The following WDR1 variants were observed in gnomAD, a reference collection of about 807,000 sequenced individuals.
The protein encoded by WDR1 is WD repeat domain 1.
In WDR1, 21 loss-of-function variants were observed where a neutral mutation model predicts 71.9. That is an observed-to-expected ratio of 0.29 (90% CI 0.21 to 0.42). The LOEUF (loss-of-function observed/expected upper bound fraction) is 0.42. Ranked by LOEUF, WDR1 falls within the 10% of genes least tolerant of loss-of-function variation. WDR1 has a pLI of 1.00. For missense variants in WDR1, 696 were observed against 824.5 expected, an observed-to-expected ratio of 0.84 and a Z score of 1.91; for synonymous variants, 424 against 347.4, an observed-to-expected ratio of 1.22 and a Z score of -2.45.
intron 2 of WDR1, among the ~76,000 whole-genome samples, chr4:10,114,854 G>C (rs1345922381): frequency 6.6e-6 from 1 of 152,186 alleles, no homozygotes; most frequent in Non-Finnish European, 1.5e-5. Context: ...GCAATCCAGG[G>C]CAGGTAGAGC....
intron 3 of WDR1, among the ~76,000 whole-genome samples, chr4:10,103,627 C>T (rs1048191768): frequency 6.6e-6 from 1 of 152,162 alleles, no homozygotes; most frequent in Non-Finnish European, 1.5e-5. Flanking sequence ...AAAAAGTGTA[C>T]CAATTTGTGT....
At chr4:10,116,474 C>T (rs1421339193) in intron 1 of WDR1, 177 bp downstream of exon 1, 58 of 743,212 alleles carry the variant, frequency 7.8e-5, no homozygotes, top group Non-Finnish European at 1.0e-4. Context: ...GGGGCGCACC[C>T]CCCGTCGGGG....
intron 2 of WDR1, among the ~76,000 whole-genome samples, chr4:10,105,724 C>G (rs1034266493): frequency 6.6e-6 from 1 of 152,158 alleles, no homozygotes; most frequent in Non-Finnish European, 1.5e-5. Context: ...TATTTATAAA[C>G]CTAAACAGAC....
At chr4:10,113,722 C>G (rs1713533292) in intron 2 of WDR1, among the ~76,000 whole-genome samples, 2 of 152,214 alleles carry the variant, frequency 1.3e-5, no homozygotes, top group Non-Finnish European at 2.9e-5. Context: ...CCAGGGAAAT[C>G]TGTTAGATTC....
intron 10 of WDR1, among the ~76,000 whole-genome samples, chr4:10,082,801 C>G (rs1765067445): frequency 6.6e-6 from 1 of 152,210 alleles, no homozygotes; most frequent in South Asian, 2.1e-4. Flanking sequence ...GAGTCCACAC[C>G]TGGTCGTTGT....
intron 14 of WDR1, 79 bp downstream of exon 14, chr4:10,077,225 C>T (rs1162644372): frequency 6.3e-7 from 1 of 1,575,038 alleles, no homozygotes; most frequent in Non-Finnish European, 8.6e-7. Context: ...GGGACTGAAG[C>T]CAGGGGACAG....
At chr4:10,090,485 G>A (rs1240216144) in intron 5 of WDR1, among the ~76,000 whole-genome samples, 3 of 152,166 alleles carry the variant, frequency 2.0e-5, no homozygotes, top group Non-Finnish European at 2.9e-5. Flanking sequence ...GCCACTCCCC[G>A]CCCCAGAAAT....
In WDR1 at chr4:10,093,013, A is replaced by G. The variant is rs1038619722; in HGVS notation, c.559-4272T>C. 8.7e-6 allele frequency: 11 copies of G among 1,264,522 alleles called. No homozygotes were observed. In the Admixed American group the frequency reaches 2.3e-4, roughly 26 times the overall value. The allele number at this position is 1,264,522 out of a possible 1,614,324, so 78.3% of individuals were successfully genotyped here. Reference sequence around the variant, plus strand: ...ACGAGCCCCCCTCCCCACAGTCCTCACTCCCTCCCACCAATATGCTCCCTC... The same window carrying G: ...ACGAGCCCCCCTCCCCACAGTCCTCGCTCCCTCCCACCAATATGCTCCCTC... On this transcript the variant is annotated intron_variant, in intron 5 of 14. Coordinates refer to ENST00000499869, the MANE Select transcript of WDR1 (RefSeq NM_017491.5).
chr4:10,116,069 G>C, intron 2 of WDR1, 44 bp downstream of exon 2: 1 of 1,596,812 alleles, frequency 6.3e-7, no homozygotes, highest in Non-Finnish European at 8.6e-7. Context: ...CCCATCCCAA[G>C]GTGGCTCCGG....
At position 10,116,700 on chromosome 4, in the gene WDR1, A is replaced by C; in HGVS notation, c.-34T>G. On this transcript the variant is annotated 5_prime_UTR_variant, in exon 1 of 15. Coordinates refer to ENST00000499869, the MANE Select transcript of WDR1 (RefSeq NM_017491.5). The stretch of plus-strand genomic sequence containing the variant: ...ACTTGTTACCGCGCCGCGCTCGCCG[A>C]GAGCCTCCGGGGCCGGCCCGCGCTG... The C allele has an allele frequency of 7.4e-7, 1 of 1,349,554 alleles. No homozygotes were observed. The highest frequency in any genetic ancestry group is 9.6e-7 in the Non-Finnish European group (1 of 1,043,264). 83.6% of individuals were successfully genotyped at this position (1,349,554 alleles called of 1,614,324 possible).
At chr4:10,075,726 C>T (rs1553919953) in intron 14 of WDR1, 1 of 568,998 alleles carries the variant, frequency 1.8e-6, no homozygotes, top group Non-Finnish European at 3.2e-6. Context: ...AGCAGCATCC[C>T]TGGCTCCACC....
chr4:10,101,108 C>T (rs1195806795), intron 3 of WDR1, among the ~76,000 whole-genome samples: 2 of 152,254 alleles, frequency 1.3e-5, no homozygotes, highest in Non-Finnish European at 2.9e-5. Flanking sequence ...CCTGGAACCA[C>T]GGCCCCAGCG....
chr4:10,113,770 A>C (rs538791615), intron 2 of WDR1, among the ~76,000 whole-genome samples: 21 of 152,268 alleles, frequency 1.4e-4, no homozygotes, highest in Non-Finnish European at 2.6e-4. Flanking sequence ...AGGATTTACT[A>C]AAATTAAAAT....
At chr4:10,101,318 T>C (rs1249356228) in intron 3 of WDR1, among the ~76,000 whole-genome samples, 7 of 152,156 alleles carry the variant, frequency 4.6e-5, no homozygotes, top group Admixed American at 2.0e-4. Context: ...GGTCTAAAGA[T>C]CCTGCAGAGG....
intron 9 of WDR1, among the ~76,000 whole-genome samples, chr4:10,084,040 AG>A (rs1765113060): frequency 6.6e-6 from 1 of 152,204 alleles, no homozygotes; most frequent in South Asian, 2.1e-4. Context: ...ACCCAACGTA[AG>A]GGTGTCCAGG....
chr4:10,101,034 C>A (rs1055969032), intron 3 of WDR1, among the ~76,000 whole-genome samples: 1 of 152,262 alleles, frequency 6.6e-6, no homozygotes, highest in African/African-American at 2.4e-5. Flanking sequence ...GGAAGCCTGC[C>A]CTGGGCCTAC....
At chr4:10,114,432 C>T (rs961202961) in intron 2 of WDR1, among the ~76,000 whole-genome samples, 1 of 152,158 alleles carries the variant, frequency 6.6e-6, no homozygotes, top group African/African-American at 2.4e-5. Flanking sequence ...GAGTAACGGA[C>T]CCATGTGGGG....
intron 5 of WDR1, 70 bp from the exon 6 acceptor site, chr4:10,088,811 T>C (rs1711774670): frequency 8.4e-7 from 1 of 1,187,430 alleles, no homozygotes; most frequent in Non-Finnish European, 1.2e-6. Flanking sequence ...ATGCTCTCTA[T>C]GAAACACAGC....
At chr4:10,087,668 C>T (rs745415305) in intron 8 of WDR1, 39 bp downstream of exon 8, 21 of 1,525,990 alleles carry the variant, frequency 1.4e-5, no homozygotes, top group Admixed American at 2.0e-5. Context: ...TCTTCCCTGT[C>T]CACCCAGCGG....
Sources: gnomAD v4.1 joint callset for allele counts (sites outside exome capture counted in the v4.1 genomes callset) on GRCh38, gnomAD v4.1.1 for gene constraint, MANE v1.5 for transcripts, NCBI Gene and HGNC (gene_info 2026-07-23, HGNC 2026-07-21) for gene names.